Variants in LARS1 observed in about 807,000 individuals in gnomAD.
LARS1 encodes leucyl-tRNA synthetase 1, also known as leucine--tRNA ligase, cytoplasmic.
LARS1 carries 100 observed loss-of-function variants against 162.8 expected under a neutral mutation model. The observed-to-expected ratio is 0.61, with a 90% CI of 0.52 to 0.73. The LOEUF is 0.73. Among genes scored for constraint, LARS1 ranks in the 30% least tolerant of loss-of-function variants. The pLI is 0.00. For synonymous variants in LARS1, 457 were observed against 462.8 expected, an observed-to-expected ratio of 0.99 and a Z score of 0.16; for missense variants, 1,258 against 1,408.9, an observed-to-expected ratio of 0.89 and a Z score of 1.71.
intron 29 of LARS1, among the ~76,000 whole-genome samples, chr5:146,123,216 A>AT (rs536508648): frequency 1.8e-4 from 28 of 151,646 alleles, no homozygotes; most frequent in African/African-American, 5.8e-4. Flanking sequence ...CCAAACCTAT[A>AT]TTTTTTTTAC....
chr5:146,182,268 G>A, intron 1 of LARS1: 2 of 624,090 alleles, frequency 3.2e-6, no homozygotes, highest in Non-Finnish European at 5.7e-6. Flanking sequence ...AAACTCCAGA[G>A]AAATAACAAA....
At chr5:146,144,085 A>G (rs1302711921) in intron 18 of LARS1, among the ~76,000 whole-genome samples, 182 bp downstream of exon 18, 2 of 152,238 alleles carry the variant, frequency 1.3e-5, no homozygotes, top group Non-Finnish European at 2.9e-5. Flanking sequence ...TAGAGAGGGC[A>G]TATTTCTACC....
intron 4 of LARS1, among the ~76,000 whole-genome samples, chr5:146,169,270 G>C (rs1754153547): frequency 6.6e-6 from 1 of 152,026 alleles, no homozygotes; most frequent in Non-Finnish European, 1.5e-5. Flanking sequence ...CTTAACCTTG[G>C]ACTTTCCACT....
Position 146,147,152 on chromosome 5 carries a change from T to G in LARS1, c.1504-2443A>C, listed in dbSNP as rs543699355. 8.3e-4 allele frequency among the ~76,000 whole-genome samples: 126 copies of G among 152,306 alleles called. 1 individual carries two copies. Among genetic ancestry groups the G allele is most frequent in the Admixed American group, 1.5e-3 (23 of 15,290 alleles). On this transcript the variant is annotated intron_variant, in intron 15 of 31. Transcript: ENST00000394434. ...TTTCTAGATCTCCCCCAGTGAAGCCTAGTGACAAGTCCTACCCATAAGCAA... is the reference window on the plus strand; with the variant it reads ...TTTCTAGATCTCCCCCAGTGAAGCCGAGTGACAAGTCCTACCCATAAGCAA...
chr5:146,118,740 T>A (rs950581209), intron 31 of LARS1, among the ~76,000 whole-genome samples: 2 of 152,176 alleles, frequency 1.3e-5, no homozygotes, highest in Non-Finnish European at 2.9e-5. Flanking sequence ...TTAATGGGTA[T>A]AGGGTTTCAA....
In LARS1 at chr5:146,137,672, C is replaced by T. The variant is rs1752573238; in HGVS notation, c.2149-2008G>A. 3 of 200,280 alleles carry T rather than the reference C, an allele frequency of 1.5e-5. No individual in the cohort carries two copies. The South Asian group carries it at 1.8e-4, about 12-fold the overall frequency. The allele number at this position is 200,280 out of a possible 1,614,324, so 12.4% of individuals were successfully genotyped here. ...AAAACAAAAAGCACCGAGTCATTTTCTCAACTTACTAAGAAAAATAGCTCT... is the reference window on the plus strand; with the variant it reads ...AAAACAAAAAGCACCGAGTCATTTTTTCAACTTACTAAGAAAAATAGCTCT... On this transcript the variant is annotated intron_variant, in intron 21 of 31. Transcript: ENST00000394434.
Position 146,144,298 on chromosome 5 carries a change from T to C in LARS1, c.1707A>G (p.Gln569=), listed in dbSNP as rs1298845189. Residue 569 remains glutamine, a synonymous_variant, in exon 18 of 32, where the codon CAA becomes CAG. Coordinates refer to ENST00000394434, the MANE Select transcript of LARS1 (RefSeq NM_020117.11). Reference sequence around the variant, plus strand: ...CATAAGTTCTTGAGCAAGCATGTTCTTGTAGCCAACCTAAGGTGGCTTCAA... The same window carrying C: ...CATAAGTTCTTGAGCAAGCATGTTCCTGTAGCCAACCTAAGGTGGCTTCAA... ...RNFEATLGWL[Q]EHACSRTYGL... is the part of the protein sequence containing the mutation. The C allele has an allele frequency of 3.7e-6, 6 of 1,613,064 alleles. No homozygotes were observed. Among genetic ancestry groups the C allele is most frequent in the Non-Finnish European group, 4.2e-6 (5 of 1,179,812 alleles).
At chr5:146,170,816 G>A (rs1273715231) in intron 4 of LARS1, among the ~76,000 whole-genome samples, 5 of 149,494 alleles carry the variant, frequency 3.3e-5, no homozygotes, top group African/African-American at 1.2e-4. Flanking sequence ...CCAACATGGT[G>A]AAACCCCATC....
chr5:146,114,374 C>A, intron 31 of LARS1, 63 bp from the exon 32 acceptor site: 1 of 1,327,802 alleles, frequency 7.5e-7, no homozygotes, highest in South Asian at 1.2e-5. Context: ...CTGGAGCAGT[C>A]TGAGAACTCA....
intron 31 of LARS1, among the ~76,000 whole-genome samples, chr5:146,118,055 G>A (rs1002694354): frequency 3.3e-5 from 5 of 152,186 alleles, no homozygotes; most frequent in African/African-American, 9.7e-5. Flanking sequence ...ATGTTGAAGA[G>A]ATATCTGTAC....
intron 31 of LARS1, among the ~76,000 whole-genome samples, chr5:146,115,046 G>GGAA (rs375865936): frequency 0.013 from 1,295 of 97,640 alleles, 31 homozygotes; most frequent in African/African-American, 0.041. Context: ...CTGTCGGGGG[G>GGAA]AAAAAAAAAA....
At chr5:146,152,038 G>C (rs759773757) in intron 13 of LARS1, 36 bp from the exon 14 acceptor site, 2 of 1,611,030 alleles carry the variant, frequency 1.2e-6, no homozygotes, top group Admixed American at 1.7e-5. Flanking sequence ...TGTTCACACT[G>C]ACTGGACACA....
chr5:146,113,570 ACC>A lies in LARS1; in HGVS notation c.*534_*535del. On this transcript the variant is annotated 3_prime_UTR_variant, in exon 32 of 32. Coordinates refer to ENST00000394434, the MANE Select transcript of LARS1 (RefSeq NM_020117.11). ...TTTAAAAAGTCTTATAAAATGCAGG[ACC>A]TATTTGTTCTTTATACAAAATACTT... The A allele has an allele frequency of 6.5e-6, 1 of 152,698 alleles. No individual in the cohort carries two copies. Among genetic ancestry groups the A allele is most frequent in the South Asian group, 2.1e-4 (1 of 4,850 alleles). 9.5% of individuals were successfully genotyped at this position (152,698 alleles called of 1,614,324 possible).
Position 146,129,108 on chromosome 5 carries a change from A to C in LARS1, c.2639T>G (p.Ile880Ser). ...IWTLLGKPDS[I>S]MNASWPVAGP... ...TGCCACAGGCCATGAAGCATTCATAATTGAGTCAGGCTTTTAAAAAAAGAA... is the reference window on the plus strand; with the variant it reads ...TGCCACAGGCCATGAAGCATTCATACTTGAGTCAGGCTTTTAAAAAAAGAA... The change falls in exon 26 of 32, where the codon ATT becomes AGT. Residue 880 changes from isoleucine to serine, a missense_variant. Physicochemically the swap from Ile to Ser is moderately radical, Grantham distance 142. Transcript: ENST00000394434. 6.3e-7 allele frequency: 1 copy of C among 1,583,248 alleles called. No homozygotes were observed. Among genetic ancestry groups the C allele is most frequent in the Admixed American group, 2.0e-5 (1 of 50,432 alleles).
intron 13 of LARS1, 118 bp downstream of exon 13, chr5:146,153,056 A>C: frequency 2.6e-6 from 2 of 764,148 alleles, no homozygotes; most frequent in Admixed American, 2.7e-5. Context: ...TAAATCCTTA[A>C]GCAAACTCTC....
At chr5:146,172,839 G>T in intron 2 of LARS1, 65 bp from the exon 3 acceptor site, 1 of 757,730 alleles carries the variant, frequency 1.3e-6, no homozygotes, top group Non-Finnish European at 2.0e-6. Context: ...TTTACAATAA[G>T]GAAGTGGGGT....
At chr5:146,153,490 CTTAAA>C (rs1368168354) in intron 12 of LARS1, among the ~76,000 whole-genome samples, 2 of 152,150 alleles carry the variant, frequency 1.3e-5, no homozygotes, top group Non-Finnish European at 2.9e-5. Flanking sequence ...ACACATATCA[CTTAAA>C]TTGAGGTTCA....
chr5:146,117,060 A>G (rs772267870), intron 31 of LARS1, among the ~76,000 whole-genome samples: 1 of 152,198 alleles, frequency 6.6e-6, no homozygotes, highest in Non-Finnish European at 1.5e-5. Context: ...TCTATTTTCT[A>G]AAATTTACAA....
chr5:146,172,064 A>C, intron 3 of LARS1, 74 bp from the exon 4 acceptor site: 4 of 1,332,904 alleles, frequency 3.0e-6, no homozygotes, highest in East Asian at 2.4e-5. Flanking sequence ...TTTTCACACA[A>C]AAAAATTAGT....
Sources: gnomAD v4.1 joint callset for allele counts (sites outside exome capture counted in the v4.1 genomes callset) on GRCh38, gnomAD v4.1.1 for gene constraint, MANE v1.5 for transcripts, NCBI Gene and HGNC (gene_info 2026-07-23, HGNC 2026-07-21) for gene names.